Variants in PPARGC1A observed in about 807,000 individuals in gnomAD.
The protein encoded by PPARGC1A is peroxisome proliferator-activated receptor gamma coactivator 1-alpha.
PPARGC1A carries 25 observed loss-of-function variants against 88.7 expected under a neutral mutation model. The ratio of observed to expected loss-of-function variants is 0.28; its 90% CI spans 0.21 to 0.39. The LOEUF (loss-of-function observed/expected upper bound fraction) is 0.39, where lower values mean the gene tolerates loss of function less well. Among genes scored for constraint, PPARGC1A ranks in the 10% least tolerant of loss-of-function variants. The pLI, the probability that PPARGC1A is intolerant of heterozygous loss-of-function variation, is 1.00. For missense variants in PPARGC1A, 880 were observed against 968.7 expected (o/e 0.91, Z 1.22); for synonymous variants, 363 against 355.6 (o/e 1.02, Z -0.24).
In PPARGC1A at chr4:23,795,118, G is replaced by A. The variant is rs1465026981; in HGVS notation, c.*704C>T. 1.3e-5 allele frequency: 2 copies of A among 151,130 alleles called. No homozygotes were observed. The highest frequency in any genetic ancestry group is 2.4e-5 in the African/African-American group (1 of 40,970). 9.4% of individuals were successfully genotyped at this position (151,130 alleles called of 1,614,324 possible). A position where few individuals can be genotyped will look rare whatever the true frequency, so the allele number is the denominator to read the frequency against. On this transcript the variant is annotated 3_prime_UTR_variant, in exon 13 of 13. Coordinates refer to ENST00000264867, the MANE Select transcript of PPARGC1A (RefSeq NM_013261.5). Reference sequence around the variant, plus strand: ...TCTATGGAACCTGTGGTTTCTTCAGGATTGTCATATAATCATTACGTTATG... The same window carrying A: ...TCTATGGAACCTGTGGTTTCTTCAGAATTGTCATATAATCATTACGTTATG...
the PPARGC1A span, among the ~76,000 whole-genome samples, chr4:24,190,036 C>T: frequency 6.6e-6 from 1 of 152,136 alleles, no homozygotes; most frequent in Admixed American, 6.5e-5. Flanking sequence ...GAGGTTATCT[C>T]CCAGGTAGCA....
At chr4:24,122,340 C>T in the PPARGC1A span, among the ~76,000 whole-genome samples, 400 of 150,526 alleles carry the variant, frequency 2.7e-3, 5 homozygotes, top group East Asian at 0.05. Context: ...GGTGCTCTAA[C>T]TTCTTAGCCT....
chr4:23,912,325 T>C, the PPARGC1A span, among the ~76,000 whole-genome samples: 3 of 152,170 alleles, frequency 2.0e-5, no homozygotes, highest in African/African-American at 7.2e-5. Context: ...AGGCTTTCTG[T>C]GTCTCAGTTT....
the PPARGC1A span, among the ~76,000 whole-genome samples, chr4:24,409,121 T>C: frequency 6.6e-6 from 1 of 152,194 alleles, no homozygotes; most frequent in Admixed American, 6.5e-5. Flanking sequence ...TTTTTAAATG[T>C]TTTATAATAA....
intron 2 of PPARGC1A, among the ~76,000 whole-genome samples, chr4:23,872,118 C>T (rs574215559): frequency 6.6e-5 from 10 of 152,234 alleles, no homozygotes; most frequent in African/African-American, 1.7e-4. Flanking sequence ...AGGCAAAAAG[C>T]GTGTCAGTCC....
the PPARGC1A span, among the ~76,000 whole-genome samples, chr4:24,153,400 A>G: frequency 1.3e-5 from 2 of 152,176 alleles, no homozygotes; most frequent in Non-Finnish European, 2.9e-5. Flanking sequence ...CATCAGAAAG[A>G]TTTGATCTGA....
chr4:24,022,260 T>C, the PPARGC1A span, among the ~76,000 whole-genome samples: 34,566 of 151,710 alleles, frequency 0.23, 4,445 homozygotes, highest in Admixed American at 0.35. Context: ...TCCTTCCTCC[T>C]TTGTTGCTTT....
the PPARGC1A span, among the ~76,000 whole-genome samples, chr4:23,998,531 A>G: frequency 1.3e-5 from 2 of 152,292 alleles, no homozygotes; most frequent in African/African-American, 4.8e-5. Context: ...GCAAAATGAT[A>G]TCTTCTTAAT....
At position 23,793,227 on chromosome 4, in the gene PPARGC1A, C is replaced by T. The variant is rs1716952522; in HGVS notation, c.*2595G>A. 1 of 152,492 alleles carries T rather than the reference C, an allele frequency of 6.6e-6. No individual in the cohort carries two copies. The highest frequency in any genetic ancestry group is 1.5e-5 in the Non-Finnish European group (1 of 68,008). 9.4% of individuals were successfully genotyped at this position (152,492 alleles called of 1,614,324 possible). A position where few individuals can be genotyped will look rare whatever the true frequency, so the allele number is the denominator to read the frequency against. ...GATACTCAAAATTCAGAAAGAAAGA[C>T]TGTAAACTTTAGTTTGGCGTTCACA... is the stretch of plus-strand genomic sequence containing the variant. On this transcript the variant is annotated 3_prime_UTR_variant, in exon 13 of 13. Coordinates refer to ENST00000264867, the MANE Select transcript of PPARGC1A (RefSeq NM_013261.5).
chr4:24,106,508 G>A, the PPARGC1A span, among the ~76,000 whole-genome samples: 2 of 152,160 alleles, frequency 1.3e-5, no homozygotes, highest in Admixed American at 6.5e-5. Context: ...TTCAAGAATC[G>A]TCCCTAGTTT....
chr4:24,012,195 T>C, the PPARGC1A span, among the ~76,000 whole-genome samples: 2 of 152,204 alleles, frequency 1.3e-5, no homozygotes, highest in East Asian at 1.9e-4. Flanking sequence ...TCTAGAGTAA[T>C]TAATGATAAA....
chr4:24,290,305 T>C, the PPARGC1A span, among the ~76,000 whole-genome samples: 1 of 152,166 alleles, frequency 6.6e-6, no homozygotes, highest in Non-Finnish European at 1.5e-5. Flanking sequence ...TGTGAGATTT[T>C]GGTGTACCCA....
the PPARGC1A span, among the ~76,000 whole-genome samples, chr4:24,346,400 C>T: frequency 1.3e-5 from 2 of 152,008 alleles, no homozygotes; most frequent in Non-Finnish European, 2.9e-5. Flanking sequence ...ACTGTGAATC[C>T]TTCTGGTCCT....
At chr4:24,104,540 G>A in the PPARGC1A span, among the ~76,000 whole-genome samples, 2 of 152,274 alleles carry the variant, frequency 1.3e-5, no homozygotes, top group Non-Finnish European at 2.9e-5. Flanking sequence ...AGGATGGACC[G>A]TCCTTGTTAG....
At chr4:24,046,409 C>G in the PPARGC1A span, among the ~76,000 whole-genome samples, 3 of 152,120 alleles carry the variant, frequency 2.0e-5, no homozygotes, top group Admixed American at 1.3e-4. Flanking sequence ...TCAAAGGAGC[C>G]CCTTCTTCCC....
At chr4:24,013,328 T>C in the PPARGC1A span, among the ~76,000 whole-genome samples, 1 of 152,154 alleles carries the variant, frequency 6.6e-6, no homozygotes, top group South Asian at 2.1e-4. Flanking sequence ...CACCACCATA[T>C]ACTCTTCTTC....
chr4:23,996,309 G>A, the PPARGC1A span, among the ~76,000 whole-genome samples: 1 of 152,186 alleles, frequency 6.6e-6, no homozygotes, highest in Admixed American at 6.5e-5. Context: ...CCCAATTCAG[G>A]TATGATGCTG....
chr4:23,863,774 T>G (rs565792100), intron 2 of PPARGC1A, among the ~76,000 whole-genome samples: 1 of 152,244 alleles, frequency 6.6e-6, no homozygotes, highest in East Asian at 1.9e-4. Context: ...TGAGACAGAG[T>G]TTAGCTCTGT....
chr4:24,043,915 G>A, the PPARGC1A span, among the ~76,000 whole-genome samples: 7 of 152,122 alleles, frequency 4.6e-5, no homozygotes, highest in African/African-American at 1.4e-4. Flanking sequence ...GGAAAGACAT[G>A]GAGGAAGGAC....
Sources: allele counts gnomAD v4.1 joint callset (sites outside exome capture counted in the v4.1 genomes callset), GRCh38; gene constraint gnomAD v4.1.1; transcripts MANE v1.5; gene names NCBI Gene and HGNC (gene_info 2026-07-23, HGNC 2026-07-21).